Variants in MSI2 observed in about 807,000 individuals in gnomAD.
The protein encoded by MSI2 is RNA-binding protein Musashi homolog 2.
MSI2 carries 17 observed loss-of-function variants against 45.6 expected under a neutral mutation model. The observed-to-expected ratio is 0.37, with a 90% CI of 0.26 to 0.56. MSI2 has a LOEUF of 0.56. Ranked by LOEUF, MSI2 falls within the 20% of genes least tolerant of loss-of-function variation. MSI2 has a pLI of 0.77. For missense variants in MSI2, 293 were observed against 444.2 expected, an observed-to-expected ratio of 0.66 and a Z score of 3.06; for synonymous variants, 156 against 158.2, an observed-to-expected ratio of 0.99 and a Z score of 0.11.
chr17:57,284,633 A>G (rs1292580923), intron 5 of MSI2, among the ~76,000 whole-genome samples: 1 of 152,260 alleles, frequency 6.6e-6, no homozygotes, highest in Admixed American at 6.5e-5. Context: ...TTTCATTAAA[A>G]TGTTGTAGGA....
At chr17:57,604,828 C>T (rs976274990) in intron 8 of MSI2, among the ~76,000 whole-genome samples, 6 of 151,956 alleles carry the variant, frequency 3.9e-5, no homozygotes, top group Admixed American at 6.5e-5. Context: ...AGGCTAGGGT[C>T]GGCTTCTGGG....
At chr17:57,273,871 T>C (rs1353519223) in intron 5 of MSI2, among the ~76,000 whole-genome samples, 2 of 152,220 alleles carry the variant, frequency 1.3e-5, no homozygotes, top group Non-Finnish European at 2.9e-5. Context: ...GGACTGATTG[T>C]GTTCATGGGA....
chr17:57,561,716 G>C (rs540724336), intron 7 of MSI2, among the ~76,000 whole-genome samples: 5 of 152,192 alleles, frequency 3.3e-5, no homozygotes, highest in Non-Finnish European at 2.9e-5. Flanking sequence ...AAATGGTAGC[G>C]TGTGCCCAAG....
intron 5 of MSI2, among the ~76,000 whole-genome samples, chr17:57,390,677 C>T (rs779933524): frequency 5.2e-4 from 79 of 152,178 alleles, no homozygotes; most frequent in Admixed American, 3.5e-3. Context: ...TAGAACCTGC[C>T]TACCAGCAAA....
At chr17:57,257,059 G>A (rs1906820829) in intron 1 of MSI2, 39 bp from the exon 2 acceptor site, 1 of 1,546,674 alleles carries the variant, frequency 6.5e-7, no homozygotes, top group East Asian at 2.6e-5. Flanking sequence ...TGGCCGATCT[G>A]ACATCGGTGC....
At position 57,675,083 on chromosome 17, in the gene MSI2, C is replaced by T. The variant is rs1422545682; in HGVS notation, c.902C>T (p.Ala301Val). The change falls in exon 12 of 14, where the codon GCG becomes GTG. Residue 301 changes from alanine to valine, a missense_variant. By Grantham distance (64) the Ala-to-Val change is moderately conservative. Transcript: ENST00000284073. ...TCCGGAGTGGGGAATTACATAAGTG[C>T]GGCCAGCCCACAGCCGGGCTCGGGC... ...QDSGVGNYIS[A>V]ASPQPGSGFG... 4 of 1,613,996 alleles carry T rather than the reference C, an allele frequency of 2.5e-6. No individual in the cohort carries two copies. Among genetic ancestry groups the T allele is most frequent in the South Asian group, 2.2e-5 (2 of 91,058 alleles).
intron 5 of MSI2, among the ~76,000 whole-genome samples, chr17:57,295,969 A>G (rs1470595819): frequency 9.8e-6 from 1 of 101,874 alleles, no homozygotes; most frequent in Non-Finnish European, 1.9e-5. Context: ...ACAAAGTTTG[A>G]GTTACCAGTT....
At chr17:57,636,224 G>A (rs189524444) in intron 10 of MSI2, among the ~76,000 whole-genome samples, 2 of 152,330 alleles carry the variant, frequency 1.3e-5, no homozygotes, top group East Asian at 1.9e-4. Context: ...TTCTCAGGAG[G>A]TGGAGGAGCT....
chr17:57,521,799 A>G (rs1221955459), intron 6 of MSI2, among the ~76,000 whole-genome samples: 2 of 152,140 alleles, frequency 1.3e-5, no homozygotes, highest in African/African-American at 2.4e-5. Context: ...TACTGATTTA[A>G]TAGGTTGGGG....
chr17:57,654,945 A>T (rs1320509646), intron 11 of MSI2, among the ~76,000 whole-genome samples: 1 of 124,130 alleles, frequency 8.1e-6, no homozygotes. Flanking sequence ...TTCCATTATG[A>T]CTTATAGGGG....
At chr17:57,673,170 T>C (rs1227831762) in intron 11 of MSI2, among the ~76,000 whole-genome samples, 3 of 152,202 alleles carry the variant, frequency 2.0e-5, no homozygotes, top group African/African-American at 7.2e-5. Flanking sequence ...TGTGTCTCTG[T>C]CTCAGTCTCC....
At chr17:57,575,148 C>T (rs1168641617) in intron 7 of MSI2, among the ~76,000 whole-genome samples, 2 of 78,172 alleles carry the variant, frequency 2.6e-5, no homozygotes, top group African/African-American at 1.2e-4. Flanking sequence ...TTTTTTAACT[C>T]CCTCCCCCCG....
At chr17:57,461,812 C>T (rs1028898897) in intron 6 of MSI2, among the ~76,000 whole-genome samples, 6 of 152,208 alleles carry the variant, frequency 3.9e-5, no homozygotes, top group African/African-American at 7.2e-5. Flanking sequence ...GGATTACAGA[C>T]GTGAGCTAGA....
rs527884677 is a variant in MSI2, at chr17:57,682,921, C to A, written c.*3404C>A. The A allele has an allele frequency of 4.4e-6, 1 of 226,766 alleles. No homozygotes were observed. Among genetic ancestry groups the A allele is most frequent in the Non-Finnish European group, 8.8e-6 (1 of 114,104 alleles). 14.0% of individuals were successfully genotyped at this position (226,766 alleles called of 1,614,324 possible). ...CGGTCCTAGCTGGGCATGGGGCTGA[C>A]GGAGATGACCAAGCCTTGGTCTGCT... On this transcript the variant is annotated 3_prime_UTR_variant, in exon 14 of 14. Coordinates refer to ENST00000284073, the MANE Select transcript of MSI2 (RefSeq NM_138962.4).
chr17:57,577,024 T>C (rs2088068692), intron 7 of MSI2, among the ~76,000 whole-genome samples: 1 of 152,124 alleles, frequency 6.6e-6, no homozygotes, highest in African/African-American at 2.4e-5. Flanking sequence ...ATTGACAAGA[T>C]AGACCACATC....
intron 6 of MSI2, among the ~76,000 whole-genome samples, chr17:57,458,388 C>T (rs1447837503): frequency 6.6e-6 from 1 of 152,212 alleles, no homozygotes; most frequent in African/African-American, 2.4e-5. Flanking sequence ...GCGTGAGCCA[C>T]CGTGCCCGGC....
intron 7 of MSI2, among the ~76,000 whole-genome samples, chr17:57,551,970 C>T (rs994174530): frequency 1.3e-5 from 2 of 152,186 alleles, no homozygotes; most frequent in Admixed American, 6.5e-5. Flanking sequence ...AGCCCAGCTT[C>T]CCTGGATCCC....
chr17:57,353,091 G>C (rs933584947), intron 5 of MSI2, among the ~76,000 whole-genome samples: 6 of 152,180 alleles, frequency 3.9e-5, no homozygotes, highest in African/African-American at 1.2e-4. Context: ...ATGATGATTT[G>C]AATATCAACA....
chr17:57,496,300 A>G (rs898664308), intron 6 of MSI2, among the ~76,000 whole-genome samples: 7 of 152,136 alleles, frequency 4.6e-5, no homozygotes, highest in African/African-American at 1.7e-4. Flanking sequence ...CCCTTTGGCC[A>G]TCTGTGGCTA....
Sources: allele counts gnomAD v4.1 joint callset (sites outside exome capture counted in the v4.1 genomes callset), GRCh38; gene constraint gnomAD v4.1.1; transcripts MANE v1.5; gene names NCBI Gene and HGNC (gene_info 2026-07-23, HGNC 2026-07-21).